CNTN4: variants seen among roughly 807,000 people sequenced by gnomAD.
CNTN4 encodes contactin 4.
Under a neutral mutation model 122.5 loss-of-function variants are expected in CNTN4, and 77 were observed. That is an observed-to-expected ratio of 0.63 (90% CI 0.52 to 0.76). The LOEUF is 0.76. Ranked by LOEUF, CNTN4 falls within the 30% of genes least tolerant of loss-of-function variation. The probability of loss-of-function intolerance (pLI) is 0.00; values close to 1 mark genes in which losing one functional copy is unlikely to be tolerated. For missense variants in CNTN4, 1,256 were observed against 1,259.1 expected, an observed-to-expected ratio of 1.00 and a Z score of 0.04; for synonymous variants, 512 against 447.0, an observed-to-expected ratio of 1.15 and a Z score of -1.83.
chr3:2,662,321 T>G (rs765800529), intron 4 of CNTN4, among the ~76,000 whole-genome samples: 2 of 152,174 alleles, frequency 1.3e-5, no homozygotes, highest in Non-Finnish European at 2.9e-5. Context: ...CATATAAGAT[T>G]CAATGGAGGA....
intron 2 of CNTN4, among the ~76,000 whole-genome samples, chr3:2,321,673 C>A (rs981401502): frequency 6.6e-6 from 1 of 151,724 alleles, no homozygotes; most frequent in Admixed American, 6.6e-5. Flanking sequence ...TGATGTTAGA[C>A]GACCTAGTAT....
chr3:2,207,253 TCCAA>T (rs1305699051), intron 2 of CNTN4, among the ~76,000 whole-genome samples: 1 of 152,000 alleles, frequency 6.6e-6, no homozygotes, highest in Non-Finnish European at 1.5e-5. Flanking sequence ...TTAATAACCC[TCCAA>T]TGGCCTTGAA....
chr3:2,866,631 G>C (rs1370124175), intron 7 of CNTN4, 121 bp from the exon 8 acceptor site: 1 of 1,184,820 alleles, frequency 8.4e-7, no homozygotes, highest in Non-Finnish European at 1.2e-6. Flanking sequence ...GTATTTAGTG[G>C]GCTGAAAAAG....
At chr3:2,475,500 C>T (rs914784901) in intron 3 of CNTN4, among the ~76,000 whole-genome samples, 9 of 152,116 alleles carry the variant, frequency 5.9e-5, no homozygotes, top group Admixed American at 4.6e-4. Flanking sequence ...GACTGATTTT[C>T]ATTTGCTCTA....
chr3:2,640,627 G>A (rs1340593759), intron 4 of CNTN4, among the ~76,000 whole-genome samples: 1 of 109,792 alleles, frequency 9.1e-6, no homozygotes, highest in African/African-American at 4.4e-5. Context: ...TTAATATCTA[G>A]TGAGTGTGTG....
intron 8 of CNTN4, among the ~76,000 whole-genome samples, chr3:2,881,814 G>A (rs2093914158): frequency 6.6e-6 from 1 of 151,906 alleles, no homozygotes. Flanking sequence ...CTTTGTGATT[G>A]CACCTGTCCC....
intron 7 of CNTN4, among the ~76,000 whole-genome samples, chr3:2,840,055 C>A (rs998858806): frequency 6.6e-6 from 1 of 152,144 alleles, no homozygotes; most frequent in Non-Finnish European, 1.5e-5. Flanking sequence ...CTTCCAAAAT[C>A]CCCAGGTCAA....
intron 2 of CNTN4, among the ~76,000 whole-genome samples, chr3:2,116,074 T>C (rs560252169): frequency 6.6e-6 from 1 of 152,284 alleles, no homozygotes; most frequent in African/African-American, 2.4e-5. Flanking sequence ...ATCATTGGGT[T>C]GGACCCCAAT....
At chr3:2,523,039 T>G (rs1388176407) in intron 3 of CNTN4, among the ~76,000 whole-genome samples, 1 of 152,080 alleles carries the variant, frequency 6.6e-6, no homozygotes, top group Non-Finnish European at 1.5e-5. Context: ...ATCTGAGTCT[T>G]GTAGATAGTT....
At chr3:2,100,374 C>G (rs1395364437) in intron 1 of CNTN4, among the ~76,000 whole-genome samples, 184 bp from the exon 2 acceptor site, 1 of 152,158 alleles carries the variant, frequency 6.6e-6, no homozygotes, top group African/African-American at 2.4e-5. Flanking sequence ...TTTGGATACC[C>G]ACACAAGATA....
At chr3:2,386,622 C>G (rs940378468) in intron 3 of CNTN4, among the ~76,000 whole-genome samples, 2 of 145,784 alleles carry the variant, frequency 1.4e-5, no homozygotes, top group African/African-American at 2.4e-5. Flanking sequence ...TAGAAAATTT[C>G]TAAGGAGTAC....
At chr3:2,719,543 C>T (rs2087711522) in intron 4 of CNTN4, among the ~76,000 whole-genome samples, 1 of 152,178 alleles carries the variant, frequency 6.6e-6, no homozygotes, top group African/African-American at 2.4e-5. Flanking sequence ...CTGCCTCGGC[C>T]TCCCACAGTG....
At chr3:2,700,764 C>G (rs1448244527) in intron 4 of CNTN4, among the ~76,000 whole-genome samples, 1 of 152,132 alleles carries the variant, frequency 6.6e-6, no homozygotes, top group East Asian at 1.9e-4. Flanking sequence ...AACCTTCCCT[C>G]AAATTGGCCA....
chr3:2,623,697 C>A (rs1315500300), intron 4 of CNTN4, among the ~76,000 whole-genome samples: 1 of 152,108 alleles, frequency 6.6e-6, no homozygotes, highest in Non-Finnish European at 1.5e-5. Context: ...AACACGGTAG[C>A]TTGGATGCAT....
At chr3:2,976,488 C>T (rs1019757711) in intron 13 of CNTN4, among the ~76,000 whole-genome samples, 4 of 152,156 alleles carry the variant, frequency 2.6e-5, no homozygotes. Context: ...ACCAGGGTGT[C>T]TGTTCAATAG....
chr3:2,198,946 A>T (rs1437381556), intron 2 of CNTN4, among the ~76,000 whole-genome samples: 1 of 152,200 alleles, frequency 6.6e-6, no homozygotes, highest in Admixed American at 6.5e-5. Context: ...TTTTGTTCTG[A>T]GCAGGCACAC....
chr3:2,931,438 G>C (rs2094519490), intron 13 of CNTN4, among the ~76,000 whole-genome samples: 1 of 152,156 alleles, frequency 6.6e-6, no homozygotes, highest in African/African-American at 2.4e-5. Context: ...CTGTTAGCAT[G>C]TTGAATGTGA....
At chr3:2,138,878 T>G (rs1462948193) in intron 2 of CNTN4, among the ~76,000 whole-genome samples, 1 of 152,222 alleles carries the variant, frequency 6.6e-6, no homozygotes, top group East Asian at 1.9e-4. Flanking sequence ...TGCCTATCTA[T>G]CCATCTAGTT....
intron 3 of CNTN4, among the ~76,000 whole-genome samples, chr3:2,518,652 C>A (rs959660754): frequency 5.3e-5 from 8 of 152,034 alleles, no homozygotes; most frequent in Admixed American, 3.9e-4. Flanking sequence ...AAATATATAA[C>A]TAGTAAATAA....
Sources: gnomAD v4.1 joint callset for allele counts (sites outside exome capture counted in the v4.1 genomes callset) on GRCh38, gnomAD v4.1.1 for gene constraint, MANE v1.5 for transcripts, NCBI Gene and HGNC (gene_info 2026-07-23, HGNC 2026-07-21) for gene names.